Variants in PLCH1 observed in about 807,000 individuals in gnomAD.
PLCH1 encodes 1-phosphatidylinositol 4,5-bisphosphate phosphodiesterase eta-1.
Under a neutral mutation model 126.7 loss-of-function variants are expected in PLCH1, and 60 were observed. The ratio of observed to expected loss-of-function variants is 0.47; its 90% CI spans 0.38 to 0.59. The LOEUF (loss-of-function observed/expected upper bound fraction) is 0.59, where lower values mean the gene tolerates loss of function less well. Among genes scored for constraint, PLCH1 ranks in the 20% least tolerant of loss-of-function variants. PLCH1 has a pLI of 0.00. For synonymous variants in PLCH1, 719 were observed against 734.9 expected (o/e 0.98, Z 0.35); for missense variants, 1,723 against 2,040.0 (o/e 0.84, Z 2.99).
At chr3:155,568,459 G>T in intron 6 of PLCH1, 135 bp from the exon 7 acceptor site, 1 of 450,330 alleles carries the variant, frequency 2.2e-6, no homozygotes, top group Non-Finnish European at 4.0e-6. Flanking sequence ...GGGGTTATTA[G>T]TGTCACAGCT....
chr3:155,699,071 T>A (rs1302704764), intron 2 of PLCH1, among the ~76,000 whole-genome samples: 1 of 151,734 alleles, frequency 6.6e-6, no homozygotes. Context: ...ATAATATTTT[T>A]AATCTTTTAT....
chr3:155,473,965 T>C (rs1450430559), intron 21 of PLCH1, among the ~76,000 whole-genome samples: 1 of 150,706 alleles, frequency 6.6e-6, no homozygotes, highest in Non-Finnish European at 1.5e-5. Context: ...CCTAAAACCA[T>C]AAAAACCCTA....
intron 10 of PLCH1, among the ~76,000 whole-genome samples, chr3:155,533,031 C>A (rs1487321117): frequency 6.6e-6 from 1 of 152,154 alleles, no homozygotes; most frequent in East Asian, 1.9e-4. Flanking sequence ...ACAAAGAAGT[C>A]CAGGTTGAGG....
chr3:155,706,918 C>T (rs1237541982), intron 1 of PLCH1, among the ~76,000 whole-genome samples: 1 of 152,196 alleles, frequency 6.6e-6, no homozygotes, highest in Non-Finnish European at 1.5e-5. Context: ...GCATCAGCCA[C>T]AGACATGTGC....
intron 12 of PLCH1, among the ~76,000 whole-genome samples, chr3:155,513,017 T>A (rs1719798963): frequency 6.6e-6 from 1 of 152,198 alleles, no homozygotes; most frequent in Admixed American, 6.5e-5. Flanking sequence ...CAAATTTCAT[T>A]TTTACTTTTC....
At position 155,514,880 on chromosome 3, in the gene PLCH1, T is replaced by C. The variant is rs772166961; in HGVS notation, c.1475A>G (p.Asn492Ser). ...TTCCACCTGATGCTCAGTGGTCCCA[T>C]TACTCTGCAAAGAATTAAGTAACAC... ...DECKFKLHYS[N>S]GTTEHQVESF... The change falls in exon 12 of 23, where the codon AAT becomes AGT. Residue 492 changes from asparagine to serine, a missense_variant. Around this residue, in one of 2 missense-constraint regions of PLCH1, gnomAD observed 776 missense variants for 1,062.9 expected, o/e 0.73. Coordinates refer to ENST00000460012, the MANE Select transcript of PLCH1 (RefSeq NM_014996.4). 6.3e-7 allele frequency: 1 copy of C among 1,596,472 alleles called. No individual in the cohort carries two copies. Among genetic ancestry groups the C allele is most frequent in the Non-Finnish European group, 8.5e-7 (1 of 1,169,918 alleles).
chr3:155,501,678 C>T (rs1717927192), intron 13 of PLCH1, among the ~76,000 whole-genome samples: 1 of 151,926 alleles, frequency 6.6e-6, no homozygotes, highest in Non-Finnish European at 1.5e-5. Flanking sequence ...GCCTATAATC[C>T]CAGCTACTTG....
At chr3:155,495,629 T>C (rs1374209634) in intron 15 of PLCH1, among the ~76,000 whole-genome samples, 1 of 152,202 alleles carries the variant, frequency 6.6e-6, no homozygotes, top group Admixed American at 6.5e-5. Context: ...CTGAGTCATA[T>C]CTAGACTCTG....
chr3:155,451,232 T>A (rs947798733), intron 21 of PLCH1, among the ~76,000 whole-genome samples: 1 of 150,424 alleles, frequency 6.6e-6, no homozygotes, highest in Admixed American at 6.6e-5. Flanking sequence ...CAGTAATAAT[T>A]ACCTCAATCA....
At chr3:155,476,713 T>C (rs1253067091), downstream of PLCH1, among the ~76,000 whole-genome samples, 1 of 151,614 alleles carries the variant, frequency 6.6e-6, no homozygotes, top group African/African-American at 2.4e-5. Flanking sequence ...AAGCTCTCTA[T>C]AATGAAAACT....
chr3:155,519,139 C>T (rs1720733631), intron 11 of PLCH1, among the ~76,000 whole-genome samples: 1 of 152,144 alleles, frequency 6.6e-6, no homozygotes, highest in South Asian at 2.1e-4. Flanking sequence ...TCATTCAGCC[C>T]TGGAATCCAA....
In PLCH1 at chr3:155,559,208, A is replaced by C. The variant is rs552590703; in HGVS notation, c.1070-5012T>G. On this transcript the variant is annotated intron_variant, in intron 8 of 22. Coordinates refer to ENST00000460012, the MANE Select transcript of PLCH1 (RefSeq NM_014996.4). ...CAAATCCCAGCTTCCAAGCTTCCTA[A>C]CCTCGGGAACTTAAGCCATTTATTT... Among the ~76,000 whole-genome samples, 5 of 152,004 alleles carry C rather than the reference A, an allele frequency of 3.3e-5. No homozygotes were observed. In the South Asian group the frequency reaches 8.4e-4, roughly 25 times the overall value.
At chr3:155,506,188 C>G (rs66977664) in intron 12 of PLCH1, among the ~76,000 whole-genome samples, 1 of 151,746 alleles carries the variant, frequency 6.6e-6, no homozygotes, top group Admixed American at 6.6e-5. Flanking sequence ...TAATTAAATT[C>G]CAATTTTACA....
At chr3:155,672,815 G>C (rs1743664377) in intron 2 of PLCH1, among the ~76,000 whole-genome samples, 2 of 152,100 alleles carry the variant, frequency 1.3e-5, no homozygotes, top group South Asian at 4.2e-4. Context: ...TTTGATCAGG[G>C]GCAAAGGACA....
chr3:155,668,711 G>A (rs1012191908), intron 2 of PLCH1, among the ~76,000 whole-genome samples: 1 of 152,030 alleles, frequency 6.6e-6, no homozygotes, highest in African/African-American at 2.4e-5. Context: ...TGGCCAACAT[G>A]GTGAAACCTT....
At chr3:155,458,169 C>A (rs1444549168) in intron 21 of PLCH1, among the ~76,000 whole-genome samples, 1 of 151,644 alleles carries the variant, frequency 6.6e-6, no homozygotes, top group Admixed American at 6.6e-5. Flanking sequence ...TGGTGAAACC[C>A]CATCTCTACC....
chr3:155,610,527 C>G (rs139071802), intron 2 of PLCH1, among the ~76,000 whole-genome samples: 2,389 of 151,950 alleles, frequency 0.016, 29 homozygotes, highest in Middle Eastern at 0.031. Flanking sequence ...CAGCAGAAAC[C>G]CTATAAGCTA....
At chr3:155,742,565 TC>T (rs1749713430) in intron 1 of PLCH1, 1 of 152,124 alleles carries the variant, frequency 6.6e-6, no homozygotes, top group South Asian at 2.1e-4. Flanking sequence ...GCAGTTTACC[TC>T]CTGGAACCAG....
At chr3:155,629,252 C>G (rs963466433) in intron 2 of PLCH1, among the ~76,000 whole-genome samples, 5 of 152,148 alleles carry the variant, frequency 3.3e-5, no homozygotes, top group African/African-American at 7.2e-5. Context: ...TCTCAGTTAT[C>G]TGAAATTCTA....
Sources: allele counts gnomAD v4.1 joint callset (sites outside exome capture counted in the v4.1 genomes callset), GRCh38; gene constraint gnomAD v4.1.1; regional missense constraint gnomAD v4.1.1; transcripts MANE v1.5; gene names NCBI Gene and HGNC (gene_info 2026-07-23, HGNC 2026-07-21).